PAQR5: variants seen among roughly 807,000 people sequenced by gnomAD.
PAQR5 encodes progestin and adipoQ receptor family member 5.
In PAQR5, 20 loss-of-function variants were observed where a neutral mutation model predicts 34.5. The observed-to-expected ratio is 0.58, with a 90% CI of 0.41 to 0.84. PAQR5 has a LOEUF of 0.84. PAQR5 is among the 40% of genes least tolerant of loss of function. PAQR5 has a pLI of 0.00. For missense variants in PAQR5, 378 were observed against 412.7 expected, an observed-to-expected ratio of 0.92 and a Z score of 0.73; for synonymous variants, 131 against 155.6, an observed-to-expected ratio of 0.84 and a Z score of 1.18.
At chr15:69,358,480 G>A (rs1504628) in intron 2 of PAQR5, among the ~76,000 whole-genome samples, 125,942 of 151,848 alleles carry the variant, frequency 0.83, 54,289 homozygotes, top group Non-Finnish European at 0.96. Flanking sequence ...CCCACTGTCC[G>A]TCCAGGGGCA....
rs565319454 is a variant in PAQR5, at chr15:69,385,482, C to A, written c.385+600C>A. Among the ~76,000 whole-genome samples, 1 of 152,058 alleles carries A rather than the reference C, an allele frequency of 6.6e-6. No homozygotes were observed. Among genetic ancestry groups the A allele is most frequent in the Non-Finnish European group, 1.5e-5 (1 of 68,022 alleles). Reference sequence around the variant, plus strand: ...CAATCAGAGAGATGCTCAGAGTGTGCGGGAATAGATCAGCAACCTAAGCTG... The same window carrying A: ...CAATCAGAGAGATGCTCAGAGTGTGAGGGAATAGATCAGCAACCTAAGCTG... On this transcript the variant is annotated intron_variant, in intron 5 of 8. Transcript: ENST00000395407. This position sits in a 1 kb window ranked among gnomAD's most constrained non-coding sequence, Gnocchi z 4.7.
At chr15:69,311,484 G>A (rs2053833378) in intron 1 of PAQR5, among the ~76,000 whole-genome samples, 1 of 152,154 alleles carries the variant, frequency 6.6e-6, no homozygotes, top group Non-Finnish European at 1.5e-5. Flanking sequence ...CAAGCAATCA[G>A]CCCAAGTTGT....
At chr15:69,351,015 G>A (rs1409193086) in intron 2 of PAQR5, among the ~76,000 whole-genome samples, 1 of 152,228 alleles carries the variant, frequency 6.6e-6, no homozygotes, top group Non-Finnish European at 1.5e-5. Flanking sequence ...GCTCATAGAG[G>A]TGAGCTGATC....
chr15:69,388,973 T>C (rs2056184761), intron 5 of PAQR5, among the ~76,000 whole-genome samples: 1 of 152,224 alleles, frequency 6.6e-6, no homozygotes, highest in Non-Finnish European at 1.5e-5. Flanking sequence ...TCCCCTGCTC[T>C]TCCAAATAAA....
intron 2 of PAQR5, among the ~76,000 whole-genome samples, chr15:69,348,320 G>A (rs147321148): frequency 1.3e-5 from 2 of 152,304 alleles, no homozygotes; most frequent in Admixed American, 6.5e-5. Context: ...AAAGTACTGC[G>A]ATTTTAATTT....
chr15:69,323,174 G>A (rs1201435254), intron 1 of PAQR5, among the ~76,000 whole-genome samples: 1 of 152,340 alleles, frequency 6.6e-6, no homozygotes, highest in East Asian at 1.9e-4. Flanking sequence ...AGCCCTTCCT[G>A]GAGCCCTCTG....
At chr15:69,386,185 ACT>A (rs975490800) in intron 5 of PAQR5, among the ~76,000 whole-genome samples, 67 of 151,096 alleles carry the variant, frequency 4.4e-4, no homozygotes, top group African/African-American at 1.5e-3. Flanking sequence ...ACGCACACAT[ACT>A]CTCAGACACT....
At chr15:69,364,284 A>G (rs2055322918) in intron 3 of PAQR5, among the ~76,000 whole-genome samples, 1 of 151,804 alleles carries the variant, frequency 6.6e-6, no homozygotes, top group African/African-American at 2.4e-5. Flanking sequence ...TGCTTAGATC[A>G]CCAATGTCAG....
chr15:69,343,151 A>G (rs1282766512), intron 2 of PAQR5, among the ~76,000 whole-genome samples: 2 of 152,226 alleles, frequency 1.3e-5, no homozygotes, highest in African/African-American at 4.8e-5. Context: ...TAAAGCAAGC[A>G]TGGAGAAATT....
At chr15:69,344,197 T>C (rs886345042) in intron 2 of PAQR5, among the ~76,000 whole-genome samples, 2 of 152,210 alleles carry the variant, frequency 1.3e-5, no homozygotes, top group East Asian at 3.8e-4. Context: ...GCATGGCTGA[T>C]GTGACGGCTG....
In PAQR5 at chr15:69,397,199, G is replaced by A. The variant is rs892658023; in HGVS notation, c.513-269G>A. ...GGCCCTTGAAGGGTTTCTGCCCAGCGCCTCCTTTCTGGCTTAGTCTGGACA... is the reference window on the plus strand; with the variant it reads ...GGCCCTTGAAGGGTTTCTGCCCAGCACCTCCTTTCTGGCTTAGTCTGGACA... On this transcript the variant is annotated intron_variant, in intron 6 of 8. Coordinates refer to ENST00000395407, the MANE Select transcript of PAQR5 (RefSeq NM_017705.4). 1.3e-5 allele frequency: 8 copies of A among 593,094 alleles called. 1 individual carries two copies. Among genetic ancestry groups the A allele is most frequent in the East Asian group, 7.4e-5 (2 of 26,964 alleles). 36.7% of individuals were successfully genotyped at this position (593,094 alleles called of 1,614,324 possible). A position where few individuals can be genotyped will look rare whatever the true frequency, so the allele number is the denominator to read the frequency against.
At chr15:69,323,027 G>A (rs1049449271) in intron 1 of PAQR5, among the ~76,000 whole-genome samples, 3 of 139,690 alleles carry the variant, frequency 2.1e-5, no homozygotes, top group Non-Finnish European at 3.0e-5. Context: ...CGGAGGGCTT[G>A]AGGATATGCT....
intron 6 of PAQR5, among the ~76,000 whole-genome samples, chr15:69,390,366 T>TTTTTTTTG (rs1180192446): frequency 6.7e-6 from 1 of 149,616 alleles, no homozygotes; most frequent in Admixed American, 6.6e-5. Flanking sequence ...ATTTATTTTT[T>TTTTTTTTG]TGAGACAGGG....
In PAQR5 at chr15:69,299,026, C is replaced by G. The variant is rs1216864883; in HGVS notation, c.-307C>G. 1 of 152,052 alleles carries G rather than the reference C, an allele frequency of 6.6e-6. No individual in the cohort carries two copies. Among genetic ancestry groups the G allele is most frequent in the East Asian group, 1.9e-4 (1 of 5,150 alleles). The allele number at this position is 152,052 out of a possible 1,614,324, so 9.4% of individuals were successfully genotyped here. On this transcript the variant is annotated 5_prime_UTR_variant, in exon 1 of 9. Coordinates refer to ENST00000395407, the MANE Select transcript of PAQR5 (RefSeq NM_017705.4). ...TGCCTGTGCTGTCCCCGCGCCCTGTCCACTGGACTCCCGAGACCCTTGGAA... is the reference window on the plus strand; with the variant it reads ...TGCCTGTGCTGTCCCCGCGCCCTGTGCACTGGACTCCCGAGACCCTTGGAA...
chr15:69,304,527 T>C (rs16953096), intron 1 of PAQR5, among the ~76,000 whole-genome samples: 70,127 of 151,952 alleles, frequency 0.46, 18,968 homozygotes, highest in Middle Eastern at 0.62. Flanking sequence ...ATTTTTGGCA[T>C]CTAGGAAAAA....
chr15:69,301,859 ATTTTTTTTTTTTTTTTTTT>A (rs71149903), intron 1 of PAQR5, among the ~76,000 whole-genome samples: 62,202 of 99,118 alleles, frequency 0.63, 18,843 homozygotes, highest in Middle Eastern at 0.72. Flanking sequence ...ATGGGGGGAG[ATTTTTTTTTTTTTTTTTTT>A]TTTTTTTTTT....
intron 1 of PAQR5, among the ~76,000 whole-genome samples, chr15:69,316,225 C>T (rs1157399121): frequency 3.3e-5 from 5 of 152,140 alleles, no homozygotes; most frequent in African/African-American, 7.2e-5. Flanking sequence ...GAATTATAGG[C>T]GTGCTCCACC....
intron 1 of PAQR5, among the ~76,000 whole-genome samples, chr15:69,318,229 C>T (rs768043245): frequency 5.3e-5 from 8 of 152,126 alleles, no homozygotes; most frequent in Admixed American, 2.0e-4. Flanking sequence ...AAGTGGGGCT[C>T]GGGCTGGGAC....
chr15:69,315,175 AGACT>A (rs1019082892), intron 1 of PAQR5, among the ~76,000 whole-genome samples: 7 of 151,920 alleles, frequency 4.6e-5, no homozygotes, highest in Non-Finnish European at 1.0e-4. Context: ...CTTTCCCCAC[AGACT>A]GTTTATGGTG....
Sources: allele counts gnomAD v4.1 joint callset (sites outside exome capture counted in the v4.1 genomes callset), GRCh38; gene constraint gnomAD v4.1.1; non-coding constraint Gnocchi (gnomAD v3.1); transcripts MANE v1.5; gene names NCBI Gene and HGNC (gene_info 2026-07-23, HGNC 2026-07-21).